CCDC30: variants seen among roughly 807,000 people sequenced by gnomAD.
CCDC30 encodes coiled-coil domain-containing protein 30.
A neutral mutation model predicts 100.2 loss-of-function variants in CCDC30; 70 were observed. That is an observed-to-expected ratio of 0.70 (90% CI 0.58 to 0.85). The LOEUF is 0.85. Ranked by LOEUF, CCDC30 falls within the 40% of genes least tolerant of loss-of-function variation. The pLI, the probability that CCDC30 is intolerant of heterozygous loss-of-function variation, is 0.00. For synonymous variants in CCDC30, 233 were observed against 269.5 expected (o/e 0.86, Z 1.33); for missense variants, 652 against 771.2 (o/e 0.85, Z 1.83).
intron 1 of CCDC30, among the ~76,000 whole-genome samples, chr1:42,477,486 C>T (rs1188621770): frequency 6.6e-6 from 1 of 152,114 alleles, no homozygotes; most frequent in African/African-American, 2.4e-5. Flanking sequence ...CCTCAGCCTC[C>T]CAAAGTGCTG....
chr1:42,617,285 A>T (rs996824097), intron 11 of CCDC30, among the ~76,000 whole-genome samples: 29 of 152,046 alleles, frequency 1.9e-4, no homozygotes, highest in African/African-American at 2.9e-4. Flanking sequence ...CCAAAAAAAA[A>T]TTTTTTTAAG....
chr1:42,457,455 C>T, the CCDC30 span: 8 of 949,140 alleles, frequency 8.4e-6, no homozygotes, highest in Admixed American at 1.8e-5. Flanking sequence ...TCGCTAGGCA[C>T]AGGGGATACA....
rs554877645 is a variant in CCDC30 at position 42,494,330 on chromosome 1, C to T, written c.242-2768C>T. Among the ~76,000 whole-genome samples, 25 of 152,276 alleles carry T rather than the reference C, an allele frequency of 1.6e-4. 1 individual carries two copies. The East Asian group carries it at 4.8e-3, about 29-fold the overall frequency. On this transcript the variant is annotated intron_variant, in intron 4 of 16. Transcript: ENST00000668663. ...TAGAAAGCTGAAACTGGATTCCTTC[C>T]TTACACCTTATATGAAAATTAATTC... is the stretch of plus-strand genomic sequence containing the variant.
Position 42,614,931 on chromosome 1 carries a change from C to T in CCDC30, c.1277+3841C>T, listed in dbSNP as rs867417789. On this transcript the variant is annotated intron_variant, in intron 11 of 16. Coordinates refer to ENST00000668663, the Ensembl canonical transcript of CCDC30. The stretch of plus-strand genomic sequence containing the variant: ...ATTTCTGCCTGTCCTAGAATTTCTT[C>T]TAAATGGAATTATACTACATGTAAT... Among the ~76,000 whole-genome samples the T allele has an allele frequency of 1.1e-3, 167 of 152,292 alleles. 1 individual carries two copies. The highest frequency in any genetic ancestry group is 0.01 in the Middle Eastern group (3 of 294).
chr1:42,488,099 C>T (rs930968376), intron 3 of CCDC30, among the ~76,000 whole-genome samples: 2 of 152,108 alleles, frequency 1.3e-5, no homozygotes, highest in African/African-American at 2.4e-5. Flanking sequence ...ATTACCATAA[C>T]TCTGCCCTAG....
intron 8 of CCDC30, chr1:42,580,927 G>A (rs934710358): frequency 2.2e-6 from 1 of 452,766 alleles, no homozygotes; most frequent in African/African-American, 2.0e-5. Context: ...GAGGCAGTTT[G>A]GCATTATCTA....
At chr1:42,633,404 A>G (rs146264760) in intron 11 of CCDC30, among the ~76,000 whole-genome samples, 110 of 152,204 alleles carry the variant, frequency 7.2e-4, no homozygotes, top group Non-Finnish European at 1.4e-3. Flanking sequence ...CCCTCCCTGA[A>G]TGATAAGGGT....
At chr1:42,637,332 A>G in exon 12 of CCDC30, 2 of 1,595,300 alleles carry the variant, frequency 1.3e-6, no homozygotes, top group Non-Finnish European at 1.7e-6. Context: ...AAGAGAATTA[A>G]CCAATTTGAA....
chr1:42,631,542 C>T (rs1454323340), intron 11 of CCDC30, among the ~76,000 whole-genome samples: 2 of 152,178 alleles, frequency 1.3e-5, no homozygotes, highest in Non-Finnish European at 2.9e-5. Context: ...GCCAGCAAGG[C>T]CTATGTCCTT....
chr1:42,651,879 A>G (rs1361721758), intron 15 of CCDC30, among the ~76,000 whole-genome samples: 5 of 152,092 alleles, frequency 3.3e-5, no homozygotes, highest in Admixed American at 2.0e-4. Flanking sequence ...ATCTCAACAA[A>G]CCAAAAATAT....
chr1:42,592,857 A>T (rs932307548), intron 10 of CCDC30: 26 of 152,290 alleles, frequency 1.7e-4, no homozygotes, highest in Admixed American at 1.4e-3. Flanking sequence ...TGAGGCCCTC[A>T]CCAGAAGCTG....
chr1:42,522,937 T>C (rs897411361), intron 6 of CCDC30, among the ~76,000 whole-genome samples: 2 of 152,076 alleles, frequency 1.3e-5, no homozygotes, highest in Admixed American at 6.6e-5. Context: ...GTGTGTGATT[T>C]TCCCACCTCA....
intron 6 of CCDC30, among the ~76,000 whole-genome samples, chr1:42,553,938 T>C (rs1207219781): frequency 6.6e-6 from 1 of 152,128 alleles, no homozygotes; most frequent in Admixed American, 6.5e-5. Context: ...AATAAAACAC[T>C]CCCTAGACAC....
In CCDC30 at chr1:42,596,655, G is replaced by A. The variant is rs530929285; in HGVS notation, c.1164+7172G>A. On this transcript the variant is annotated intron_variant, in intron 10 of 16. Transcript: ENST00000668663. The surrounding 1 kb of genome is among the most constrained non-coding windows in gnomAD (Gnocchi z 4.3). The stretch of plus-strand genomic sequence containing the variant: ...AACACTTCACCACCACATCACTAAC[G>A]GCCCATTTAACAGCAGTTTCCTCTA... Among the ~76,000 whole-genome samples the A allele has an allele frequency of 2.0e-5, 3 of 151,936 alleles. No homozygotes were observed. The East Asian group carries it at 5.8e-4, about 29-fold the overall frequency.
At chr1:42,656,971 C>T (rs1378477200), downstream of CCDC30, among the ~76,000 whole-genome samples, 1 of 152,158 alleles carries the variant, frequency 6.6e-6, no homozygotes, top group Non-Finnish European at 1.5e-5. Flanking sequence ...TGAAGCGTGA[C>T]TGCTGCTGTT....
intron 6 of CCDC30, among the ~76,000 whole-genome samples, chr1:42,509,452 A>G (rs11210656): frequency 0.2 from 30,475 of 152,090 alleles, 3,333 homozygotes; most frequent in South Asian, 0.42. Context: ...CACCACCCAG[A>G]TCGATAAAAT....
At chr1:42,608,249 A>G (rs996198090) in intron 10 of CCDC30, among the ~76,000 whole-genome samples, 4 of 152,370 alleles carry the variant, frequency 2.6e-5, no homozygotes, top group African/African-American at 7.2e-5. Context: ...AGGATTGTCA[A>G]CTATGGAAGA....
At chr1:42,584,937 T>A (rs1446048104) in intron 9 of CCDC30, among the ~76,000 whole-genome samples, 1 of 152,150 alleles carries the variant, frequency 6.6e-6, no homozygotes, top group Non-Finnish European at 1.5e-5. Flanking sequence ...CTCCTTCAAT[T>A]TTTTTTGGAA....
chr1:42,536,060 A>G (rs1231995623), intron 6 of CCDC30, among the ~76,000 whole-genome samples: 1 of 152,028 alleles, frequency 6.6e-6, no homozygotes, highest in African/African-American at 2.4e-5. Flanking sequence ...TAGGAAAACA[A>G]AATGAAATAA....
Sources: allele counts gnomAD v4.1 joint callset (sites outside exome capture counted in the v4.1 genomes callset), GRCh38; gene constraint gnomAD v4.1.1; non-coding constraint Gnocchi (gnomAD v3.1); transcripts MANE v1.5; gene names NCBI Gene and HGNC (gene_info 2026-07-23, HGNC 2026-07-21).